NECTIN3: variants seen among roughly 807,000 people sequenced by gnomAD.
The protein encoded by NECTIN3 is nectin cell adhesion molecule 3.
A neutral mutation model predicts 49.4 loss-of-function variants in NECTIN3; 8 were observed. The observed-to-expected ratio is 0.16, with a 90% CI of 0.10 to 0.29. The LOEUF (loss-of-function observed/expected upper bound fraction) is 0.29, where lower values mean the gene tolerates loss of function less well. NECTIN3 is among the 10% of genes least tolerant of loss of function. NECTIN3 has a pLI of 1.00. For synonymous variants in NECTIN3, 277 were observed against 241.1 expected, an observed-to-expected ratio of 1.15 and a Z score of -1.38; for missense variants, 581 against 654.6, an observed-to-expected ratio of 0.89 and a Z score of 1.23.
intron 1 of NECTIN3, among the ~76,000 whole-genome samples, chr3:111,090,011 G>T (rs2032166340): frequency 6.6e-6 from 1 of 152,058 alleles, no homozygotes; most frequent in Non-Finnish European, 1.5e-5. Flanking sequence ...TGTATCTCTA[G>T]CATTACTTCT....
At chr3:111,099,690 C>T (rs1267526669) in intron 1 of NECTIN3, among the ~76,000 whole-genome samples, 7 of 152,120 alleles carry the variant, frequency 4.6e-5, no homozygotes, top group South Asian at 2.1e-4. Context: ...ACACCAGCCT[C>T]GCAAAGTCTA....
chr3:111,150,432 A>C (rs2034976372), intron 7 of NECTIN3, among the ~76,000 whole-genome samples: 1 of 151,892 alleles, frequency 6.6e-6, no homozygotes, highest in Non-Finnish European at 1.5e-5. Flanking sequence ...GTCAGTTTTC[A>C]TGACTTAAGA....
chr3:111,100,128 T>A (rs1297366313), intron 1 of NECTIN3, among the ~76,000 whole-genome samples: 2 of 152,130 alleles, frequency 1.3e-5, no homozygotes, highest in African/African-American at 4.8e-5. Flanking sequence ...ATAAGCCCTA[T>A]GTAATTGTTT....
In NECTIN3 at chr3:111,136,615, T is replaced by G. The variant is rs2034584399; in HGVS notation, c.*2400T>G. The G allele has an allele frequency of 3.3e-6, 3 of 919,674 alleles. No individual in the cohort carries two copies. The African/African-American group carries it at 5.4e-5, about 17-fold the overall frequency. The allele number at this position is 919,674 out of a possible 1,614,324, so 57.0% of individuals were successfully genotyped here. On this transcript the variant is annotated 3_prime_UTR_variant, in exon 6 of 6. Transcript: ENST00000485303. ...AAATAAAGACATTGTTAAATTAGTT[T>G]TTGAATACCAGTGATATTCATAACT...
chr3:111,151,866 A>G (rs1348559098), intron 7 of NECTIN3, among the ~76,000 whole-genome samples: 3 of 151,766 alleles, frequency 2.0e-5, no homozygotes, highest in Non-Finnish European at 4.4e-5. Context: ...TCTCATTCCT[A>G]TACCTATTTA....
intron 7 of NECTIN3, among the ~76,000 whole-genome samples, chr3:111,178,492 T>C (rs1353169292): frequency 6.6e-6 from 1 of 152,198 alleles, no homozygotes; most frequent in Non-Finnish European, 1.5e-5. Flanking sequence ...GACCACTGTA[T>C]GTTCAGCCCT....
chr3:111,178,834 T>C (rs1246219666), intron 7 of NECTIN3, among the ~76,000 whole-genome samples: 7 of 152,244 alleles, frequency 4.6e-5, no homozygotes, highest in Admixed American at 2.0e-4. Context: ...TACATAAAGA[T>C]GAATTTGAAT....
chr3:111,088,665 T>C (rs1284147369), intron 1 of NECTIN3, among the ~76,000 whole-genome samples: 1 of 152,184 alleles, frequency 6.6e-6, no homozygotes, highest in East Asian at 1.9e-4. Context: ...AAACCATTAT[T>C]GTGTTTCTGG....
At chr3:111,162,803 T>C (rs1241769861) in intron 7 of NECTIN3, among the ~76,000 whole-genome samples, 1 of 152,220 alleles carries the variant, frequency 6.6e-6, no homozygotes, top group Non-Finnish European at 1.5e-5. Flanking sequence ...ATCAAGCTTC[T>C]TCTGTTAGCT....
chr3:111,074,335 G>GTACTAT, intron 1 of NECTIN3: 1 of 398,424 alleles, frequency 2.5e-6, no homozygotes, highest in Admixed American at 2.6e-5. Context: ...CTGCTTACAA[G>GTACTAT]GTTTGGCATG....
chr3:111,191,512 CAT>C (rs1281164586), upstream of NECTIN3, among the ~76,000 whole-genome samples: 5 of 151,014 alleles, frequency 3.3e-5, no homozygotes, highest in East Asian at 3.9e-4. Context: ...AAGGGTAAGT[CAT>C]GTGTTTGTAA....
intron 7 of NECTIN3, among the ~76,000 whole-genome samples, chr3:111,159,148 A>G (rs1378823194): frequency 3.3e-5 from 5 of 152,296 alleles, no homozygotes; most frequent in Middle Eastern, 3.4e-3. Context: ...TGCTTAGTTT[A>G]CATAACAATT....
At chr3:111,169,344 C>T (rs1382536167) in intron 7 of NECTIN3, among the ~76,000 whole-genome samples, 2 of 149,460 alleles carry the variant, frequency 1.3e-5, no homozygotes, top group Non-Finnish European at 3.0e-5. Context: ...CCCGTCTCAG[C>T]CTCCCAAAGT....
chr3:111,127,646 A>G (rs532070383), intron 5 of NECTIN3, among the ~76,000 whole-genome samples: 4 of 151,598 alleles, frequency 2.6e-5, no homozygotes, highest in African/African-American at 4.8e-5. Flanking sequence ...GCTCACTGCA[A>G]CCTCTGCCTC....
chr3:111,077,343 GTAAA>G, intron 1 of NECTIN3: 1 of 29,690 alleles, frequency 3.4e-5, no homozygotes, highest in African/African-American at 4.9e-5. Context: ...AACTTTAATG[GTAAA>G]AAAAAAAAAA....
chr3:111,154,284 C>G (rs4682238), intron 7 of NECTIN3, among the ~76,000 whole-genome samples: 5 of 151,946 alleles, frequency 3.3e-5, no homozygotes, highest in Non-Finnish European at 7.4e-5. Flanking sequence ...TGTTCTCTCT[C>G]TTGGTCTTTC....
At chr3:111,191,996 T>G (rs754291644), upstream of NECTIN3, among the ~76,000 whole-genome samples, 1 of 152,132 alleles carries the variant, frequency 6.6e-6, no homozygotes, top group South Asian at 2.1e-4. Flanking sequence ...CACACCTGGC[T>G]AATTTTTGTA....
At chr3:111,097,257 G>C (rs759318926) in intron 1 of NECTIN3, among the ~76,000 whole-genome samples, 2 of 152,174 alleles carry the variant, frequency 1.3e-5, no homozygotes, top group Non-Finnish European at 2.9e-5. Context: ...GTTTTGGCCA[G>C]TGTCTTTCAT....
intron 1 of NECTIN3, among the ~76,000 whole-genome samples, chr3:111,091,900 C>T (rs1017287900): frequency 2.0e-5 from 3 of 152,136 alleles, no homozygotes; most frequent in East Asian, 1.9e-4. Context: ...GGGGCTATAC[C>T]ATTTTATGTT....
Sources: allele counts gnomAD v4.1 joint callset (sites outside exome capture counted in the v4.1 genomes callset), GRCh38; gene constraint gnomAD v4.1.1; transcripts MANE v1.5; gene names NCBI Gene and HGNC (gene_info 2026-07-23, HGNC 2026-07-21).